Variants in DCAF8L2 observed in about 807,000 individuals in gnomAD.
DCAF8L2 encodes DDB1 and CUL4 associated factor 8 like 2.
For missense variants in DCAF8L2, 430 were observed against 490.7 expected, an observed-to-expected ratio of 0.88 and a Z score of 1.17; for synonymous variants, 200 against 190.9, an observed-to-expected ratio of 1.05 and a Z score of -0.39.
At chrX:27,518,850 C>G in the DCAF8L2 span, 1 of 548,012 alleles carries the variant, frequency 1.8e-6, no homozygotes, top group Non-Finnish European at 3.3e-6. Context: ...AGCATGATGA[C>G]AAGTTGACAT....
At chrX:27,727,531 T>A (rs958738578) in intron 4 of DCAF8L2, among the ~76,000 whole-genome samples, 2 of 111,877 alleles carry the variant, frequency 1.8e-5, no homozygotes, top group African/African-American at 3.2e-5. Flanking sequence ...TGTCTCTGTA[T>A]CAACAGCACA....
At chrX:27,533,533 A>G in the DCAF8L2 span, among the ~76,000 whole-genome samples, 2 of 112,187 alleles carry the variant, frequency 1.8e-5, no homozygotes, top group Middle Eastern at 4.2e-3. Context: ...AGCCAGATGC[A>G]TATCACTTTC....
chrX:27,502,335 A>AAAAT, the DCAF8L2 span, among the ~76,000 whole-genome samples: 24 of 12,700 alleles, frequency 1.9e-3, no homozygotes, highest in Non-Finnish European at 2.0e-3. Context: ...AAAAAAAAAA[A>AAAAT]ATATATATAT....
At chrX:27,710,043 A>G (rs773970259) in intron 3 of DCAF8L2, among the ~76,000 whole-genome samples, 1 of 111,274 alleles carries the variant, frequency 9.0e-6, no homozygotes, top group African/African-American at 3.3e-5. Context: ...TTAAGGGCCT[A>G]TGCTCAATTA....
At chrX:27,675,422 A>G (rs930441092) in intron 2 of DCAF8L2, among the ~76,000 whole-genome samples, 2 of 112,170 alleles carry the variant, frequency 1.8e-5, no homozygotes, top group Non-Finnish European at 3.8e-5. Context: ...AATAATCATG[A>G]AAACAGATTG....
the DCAF8L2 span, among the ~76,000 whole-genome samples, chrX:27,525,262 G>T: frequency 4.5e-5 from 5 of 111,889 alleles, no homozygotes; most frequent in Middle Eastern, 9.3e-3. Context: ...TCTTGTTGAA[G>T]TGATCCCTTT....
At chrX:27,506,357 C>T in the DCAF8L2 span, among the ~76,000 whole-genome samples, 4 of 111,665 alleles carry the variant, frequency 3.6e-5, no homozygotes, top group Non-Finnish European at 7.5e-5. Flanking sequence ...AGATATTTTT[C>T]TTTACAAACA....
At chrX:27,729,604 T>C (rs1478192256) in intron 4 of DCAF8L2, among the ~76,000 whole-genome samples, 1 of 112,127 alleles carries the variant, frequency 8.9e-6, no homozygotes, top group Non-Finnish European at 1.9e-5. Context: ...AGATTCAGTG[T>C]CTGGTAAGGC....
chrX:27,598,932 C>T (rs1009792627), intron 1 of DCAF8L2, among the ~76,000 whole-genome samples: 11 of 96,446 alleles, frequency 1.1e-4, no homozygotes, highest in African/African-American at 4.2e-4. Flanking sequence ...ACGGTGCAGC[C>T]ACTATGGAAA....
chrX:27,720,679 T>C (rs951014651), intron 4 of DCAF8L2, among the ~76,000 whole-genome samples: 3 of 112,034 alleles, frequency 2.7e-5, no homozygotes, highest in African/African-American at 9.7e-5. Flanking sequence ...TGCCGATTAT[T>C]TTTATTTTCA....
At chrX:27,509,481 A>G in the DCAF8L2 span, among the ~76,000 whole-genome samples, 1 of 112,493 alleles carries the variant, frequency 8.9e-6, no homozygotes, top group East Asian at 2.8e-4. Context: ...TGTGACTTAT[A>G]AATAGTGACT....
intron 3 of DCAF8L2, among the ~76,000 whole-genome samples, chrX:27,687,791 A>C (rs531770232): frequency 1.8e-4 from 20 of 111,668 alleles, no homozygotes; most frequent in African/African-American, 5.5e-4. Context: ...GAGGTGCTAC[A>C]CTCTAGCCTG....
intron 4 of DCAF8L2, among the ~76,000 whole-genome samples, chrX:27,726,269 C>A (rs1602784002): frequency 9.0e-6 from 1 of 111,443 alleles, no homozygotes; most frequent in East Asian, 2.8e-4. Context: ...ACAACTCTTT[C>A]TTTCTCTAGA....
At chrX:27,587,600 G>T (rs1925927112), upstream of DCAF8L2, among the ~76,000 whole-genome samples, 1 of 111,210 alleles carries the variant, frequency 9.0e-6, no homozygotes, top group Admixed American at 9.6e-5. Flanking sequence ...ATTTTATTAG[G>T]ATGCACAATA....
chrX:27,673,507 C>CAAAA (rs57955039), intron 2 of DCAF8L2, among the ~76,000 whole-genome samples: 5 of 54,352 alleles, frequency 9.2e-5, no homozygotes, highest in Non-Finnish European at 1.7e-4. Flanking sequence ...GATTCCATCT[C>CAAAA]AAAAAAAAAA....
At chrX:27,543,746 C>T in the DCAF8L2 span, among the ~76,000 whole-genome samples, 3 of 111,249 alleles carry the variant, frequency 2.7e-5, no homozygotes, top group Non-Finnish European at 5.7e-5. Context: ...CTATGACCTG[C>T]CTTGAAGAAC....
intron 1 of DCAF8L2, among the ~76,000 whole-genome samples, chrX:27,593,700 A>G (rs2147110292): frequency 8.9e-6 from 1 of 112,145 alleles, no homozygotes; most frequent in South Asian, 3.7e-4. Context: ...TGCTTGCTCC[A>G]GGGACCCTGG....
chrX:27,720,664 C>T lies in DCAF8L2; in HGVS notation c.-59+4493C>T, dbSNP rs5971446. Reference sequence around the variant, plus strand: ...CTGGGATTTCAGGCGTGAGCCACCGCGCCCTGCCGATTATTTTTATTTTCA... The same window carrying T: ...CTGGGATTTCAGGCGTGAGCCACCGTGCCCTGCCGATTATTTTTATTTTCA... On this transcript the variant is annotated intron_variant, in intron 4 of 4. Transcript: ENST00000451261. 2.2e-3 allele frequency among the ~76,000 whole-genome samples: 248 copies of T among 111,972 alleles called. 1 individual carries two copies. The highest frequency in any genetic ancestry group is 4.0e-3 in the Non-Finnish European group (213 of 53,148).
At chrX:27,659,936 C>A (rs1929495013) in intron 2 of DCAF8L2, among the ~76,000 whole-genome samples, 1 of 111,546 alleles carries the variant, frequency 9.0e-6, no homozygotes, top group Non-Finnish European at 1.9e-5. Context: ...ATTTCCTTTT[C>A]TTTAAGATCT....
Sources: allele counts gnomAD v4.1 joint callset (sites outside exome capture counted in the v4.1 genomes callset), GRCh38; gene constraint gnomAD v4.1.1; transcripts MANE v1.5; gene names NCBI Gene and HGNC (gene_info 2026-07-23, HGNC 2026-07-21).